The following LINC00305 variants were observed in gnomAD, a reference collection of about 807,000 sequenced individuals.
LINC00305 encodes long independently transcribed non-coding RNA 305.
intron 1 of LINC00305, among the ~76,000 whole-genome samples, chr18:64,113,528 A>G (rs955660286): frequency 2.6e-5 from 4 of 152,198 alleles, no homozygotes; most frequent in African/African-American, 9.7e-5. Context: ...GGAAGCACTT[A>G]TAAGACTTAC....
intron 1 of LINC00305, among the ~76,000 whole-genome samples, chr18:64,099,790 T>C (rs1449398841): frequency 6.6e-6 from 1 of 152,116 alleles, no homozygotes; most frequent in East Asian, 1.9e-4. Flanking sequence ...ATCCTTCAAG[T>C]TGTGAGTTGC....
intron 1 of LINC00305, among the ~76,000 whole-genome samples, chr18:64,116,294 T>A (rs946596911): frequency 6.6e-6 from 1 of 152,238 alleles, no homozygotes; most frequent in African/African-American, 2.4e-5. Context: ...ATAGAAATAT[T>A]GACCAGAGAA....
chr18:64,140,931 G>A (rs184795235), intron 1 of LINC00305, among the ~76,000 whole-genome samples: 1 of 151,828 alleles, frequency 6.6e-6, no homozygotes, highest in Non-Finnish European at 1.5e-5. Context: ...GGAAGGAGAG[G>A]CATCAGCTGG....
At chr18:64,085,681 G>T (rs1312063442) in intron 3 of LINC00305, among the ~76,000 whole-genome samples, 1 of 152,076 alleles carries the variant, frequency 6.6e-6, no homozygotes, top group Non-Finnish European at 1.5e-5. Flanking sequence ...GGCTGGTTTC[G>T]AACTCCCAAC....
intron 1 of LINC00305, among the ~76,000 whole-genome samples, chr18:64,138,992 T>C (rs1052105214): frequency 1.3e-5 from 2 of 152,046 alleles, no homozygotes; most frequent in Non-Finnish European, 2.9e-5. Flanking sequence ...AGCTCCCCAG[T>C]AAAAACACCC....
chr18:64,143,178 T>C (rs2051472513), intron 1 of LINC00305, among the ~76,000 whole-genome samples: 1 of 152,168 alleles, frequency 6.6e-6, no homozygotes, highest in Admixed American at 6.5e-5. Context: ...GTGGTTATAA[T>C]ATAATTTAGT....
intron 1 of LINC00305, among the ~76,000 whole-genome samples, chr18:64,133,808 A>G (rs1158337557): frequency 1.3e-5 from 2 of 152,106 alleles, no homozygotes; most frequent in African/African-American, 4.8e-5. Context: ...TCAACATGTC[A>G]TTTTCATGGT....
At chr18:64,111,256 C>G (rs2051313442) in intron 1 of LINC00305, among the ~76,000 whole-genome samples, 2 of 152,214 alleles carry the variant, frequency 1.3e-5, no homozygotes, top group Non-Finnish European at 2.9e-5. Context: ...GCAGCTCTTT[C>G]TCCTTCAAGA....
At chr18:64,113,881 T>G (rs2144252263) in intron 1 of LINC00305, among the ~76,000 whole-genome samples, 1 of 152,356 alleles carries the variant, frequency 6.6e-6, no homozygotes, top group Non-Finnish European at 1.5e-5. Flanking sequence ...AAACTTGTAA[T>G]TCTCTCAAAT....
intron 3 of LINC00305, among the ~76,000 whole-genome samples, chr18:64,085,223 A>T (rs963006988): frequency 2.0e-5 from 3 of 152,160 alleles, no homozygotes; most frequent in African/African-American, 7.2e-5. Flanking sequence ...AGCCAAACAC[A>T]TACAGATTGC....
chr18:64,122,411 C>A (rs2051365962), intron 1 of LINC00305, among the ~76,000 whole-genome samples: 1 of 151,958 alleles, frequency 6.6e-6, no homozygotes, highest in East Asian at 1.9e-4. Flanking sequence ...TATGATGATC[C>A]AATTTTCCCA....
At chr18:64,083,383 AC>A (rs1340151353) in intron 3 of LINC00305, among the ~76,000 whole-genome samples, 1 of 152,144 alleles carries the variant, frequency 6.6e-6, no homozygotes, top group Non-Finnish European at 1.5e-5. Flanking sequence ...TGTGCCTGAC[AC>A]TTCTGATTTC....
intron 3 of LINC00305, among the ~76,000 whole-genome samples, chr18:64,090,107 G>A (rs1179359404): frequency 3.3e-5 from 5 of 152,148 alleles, no homozygotes; most frequent in African/African-American, 1.2e-4. Context: ...AATAGGCAGG[G>A]AGAGGCCAAT....
chr18:64,103,877 G>T (rs1246935289), intron 1 of LINC00305, among the ~76,000 whole-genome samples: 1 of 152,198 alleles, frequency 6.6e-6, no homozygotes, highest in South Asian at 2.1e-4. Flanking sequence ...AGAATGATCT[G>T]TGGACATGGA....
intron 1 of LINC00305, among the ~76,000 whole-genome samples, chr18:64,099,316 T>C (rs1415543117): frequency 1.3e-5 from 2 of 152,208 alleles, no homozygotes; most frequent in Non-Finnish European, 2.9e-5. Context: ...TATTTATTAA[T>C]CACTGATCTT....
intron 1 of LINC00305, among the ~76,000 whole-genome samples, chr18:64,125,410 TA>T (rs200652233): frequency 6.1e-4 from 92 of 151,400 alleles, no homozygotes; most frequent in African/African-American, 2.2e-3. Context: ...CACAATTAAA[TA>T]AAAAAAAATC....
chr18:64,137,555 C>A (rs138574587), intron 1 of LINC00305, among the ~76,000 whole-genome samples: 1 of 152,218 alleles, frequency 6.6e-6, no homozygotes, highest in Non-Finnish European at 1.5e-5. Context: ...CAGAGGCTCA[C>A]GACTTGTTTC....
intron 3 of LINC00305, among the ~76,000 whole-genome samples, chr18:64,087,997 C>T (rs1162615201): frequency 6.6e-6 from 1 of 152,060 alleles, no homozygotes; most frequent in Non-Finnish European, 1.5e-5. Context: ...GTGGCGGGCG[C>T]CTGTAGTCCC....
chr18:64,094,843 G>C (rs1206815506), intron 3 of LINC00305, among the ~76,000 whole-genome samples: 1 of 99,318 alleles, frequency 1.0e-5, no homozygotes, highest in Non-Finnish European at 2.0e-5. Flanking sequence ...GACAGAGCAA[G>C]ACTTCATCTC....
Sources: allele counts gnomAD v4.1 joint callset (sites outside exome capture counted in the v4.1 genomes callset), GRCh38; gene constraint gnomAD v4.1.1; transcripts MANE v1.5; gene names NCBI Gene and HGNC (gene_info 2026-07-23, HGNC 2026-07-21).